RABGEF1: variants seen among roughly 807,000 people sequenced by gnomAD.
RABGEF1 encodes RAB guanine nucleotide exchange factor 1, also known as rab5 GDP/GTP exchange factor.
A neutral mutation model predicts 57.3 loss-of-function variants in RABGEF1; 26 were observed. That is an observed-to-expected ratio of 0.45 (90% CI 0.33 to 0.63). RABGEF1 has a LOEUF of 0.63. Among genes scored for constraint, RABGEF1 ranks in the 20% least tolerant of loss-of-function variants. RABGEF1 has a pLI of 0.02. For missense variants in RABGEF1, 464 were observed against 607.6 expected (o/e 0.76, Z 2.48); for synonymous variants, 185 against 210.7 (o/e 0.88, Z 1.06).
At chr7:66,705,388 G>C (rs975408900) in intron 1 of RABGEF1, among the ~76,000 whole-genome samples, 3 of 146,954 alleles carry the variant, frequency 2.0e-5, no homozygotes, top group Non-Finnish European at 4.5e-5. Context: ...AGTGAGCTGA[G>C]ATTGCACCAC....
upstream of RABGEF1, chr7:66,740,351 G>C (rs907537713): frequency 2.0e-5 from 3 of 152,408 alleles, no homozygotes; most frequent in East Asian, 5.8e-4. Context: ...CCTCGGCGCA[G>C]TAGCTCCGCT....
chr7:66,704,930 C>A (rs1490591410), intron 1 of RABGEF1, among the ~76,000 whole-genome samples: 1 of 152,094 alleles, frequency 6.6e-6, no homozygotes, highest in Non-Finnish European at 1.5e-5. Context: ...TTTTAAGAAA[C>A]CACCAAACTG....
the RABGEF1 span, among the ~76,000 whole-genome samples, chr7:66,656,598 G>T: frequency 9.2e-5 from 14 of 151,986 alleles, no homozygotes; most frequent in African/African-American, 3.4e-4. Context: ...GAGGCGGTCG[G>T]ATCATGTGGT....
intron 5 of RABGEF1, 57 bp downstream of exon 5, chr7:66,795,649 C>A: frequency 4.2e-6 from 6 of 1,444,792 alleles, no homozygotes; most frequent in Non-Finnish European, 5.8e-6. Context: ...ACTGCTCAGT[C>A]TCTTAGCAAT....
chr7:66,796,911 C>T (rs1312782687), intron 5 of RABGEF1: 3 of 444,904 alleles, frequency 6.7e-6, no homozygotes, highest in African/African-American at 2.0e-5. Context: ...TTTTTTTAAG[C>T]GTATTTTTAA....
chr7:66,738,034 T>G (rs1161702695), upstream of RABGEF1, among the ~76,000 whole-genome samples: 1 of 151,522 alleles, frequency 6.6e-6, no homozygotes, highest in African/African-American at 2.4e-5. Flanking sequence ...TTTTTTTTTT[T>G]TTTTGAGACA....
the RABGEF1 span, among the ~76,000 whole-genome samples, chr7:66,662,178 G>T: frequency 6.6e-6 from 1 of 151,516 alleles, no homozygotes; most frequent in Non-Finnish European, 1.5e-5. Context: ...GGGGCAGTTT[G>T]CAGTGAGCCA....
At chr7:66,680,141 A>G (rs563580217), upstream of RABGEF1, among the ~76,000 whole-genome samples, 5 of 152,310 alleles carry the variant, frequency 3.3e-5, no homozygotes, top group Non-Finnish European at 7.4e-5. Flanking sequence ...TAAAGTAAAT[A>G]TTATTGTCTT....
intron 1 of RABGEF1, among the ~76,000 whole-genome samples, chr7:66,751,657 A>G (rs531579926): frequency 9.2e-4 from 140 of 152,286 alleles, no homozygotes; most frequent in Non-Finnish European, 1.6e-3. Flanking sequence ...GTACCCACCT[A>G]AGACTTTCAG....
In RABGEF1 at chr7:66,809,097, A is replaced by G; in HGVS notation, c.1289A>G (p.Glu430Gly). Residue 430 changes from glutamate (E) to glycine (G), a missense_variant, in exon 9 of 9, where the codon GAA (glutamate) becomes GGA (glycine). By Grantham distance (98) the Glu-to-Gly change is moderately conservative. Coordinates refer to ENST00000284957, the MANE Select transcript of RABGEF1 (RefSeq NM_014504.3). ...LNERQERIMN[E>G]AKKLEKDLID... ...GAACGACAAGAAAGGATCATGAATG[A>G]AGCCAAGAAACTGGAAAAAGACCTC... 6.2e-7 allele frequency: 1 copy of G among 1,614,188 alleles called. No homozygotes were observed. The highest frequency in any genetic ancestry group is 1.1e-5 in the South Asian group (1 of 91,076).
chr7:66,731,656 G>A (rs1366525576), intron 2 of RABGEF1, among the ~76,000 whole-genome samples: 2 of 152,186 alleles, frequency 1.3e-5, no homozygotes, highest in Admixed American at 6.5e-5. Context: ...GTTCGAGACT[G>A]CAGTGAGCTA....
chr7:66,774,943 T>C lies in RABGEF1; in HGVS notation c.180-284T>C, dbSNP rs533268997. Among the ~76,000 whole-genome samples, 34 of 152,344 alleles carry C rather than the reference T, an allele frequency of 2.2e-4. No individual in the cohort carries two copies. In the East Asian group the frequency reaches 4.0e-3, roughly 18 times the overall value. On this transcript the variant is annotated intron_variant, in intron 2 of 8. Transcript: ENST00000284957. ...TGTAGCAGTTGTTTACTTACCTTTT[T>C]GTCTGTTCCAGCCTTGAGCTTGTTA...
chr7:66,710,156 G>A (rs1008094655), intron 1 of RABGEF1, among the ~76,000 whole-genome samples: 2 of 152,004 alleles, frequency 1.3e-5, no homozygotes, highest in Non-Finnish European at 2.9e-5. Context: ...ACTCTTTTTG[G>A]CATCTTTCAT....
At chr7:66,674,904 C>G in the RABGEF1 span, among the ~76,000 whole-genome samples, 1 of 151,290 alleles carries the variant, frequency 6.6e-6, no homozygotes, top group African/African-American at 2.4e-5. Context: ...TTGAACTGTA[C>G]AGTTAATATG....
intron 1 of RABGEF1, among the ~76,000 whole-genome samples, chr7:66,763,604 T>C (rs764454791): frequency 6.6e-5 from 10 of 152,250 alleles, no homozygotes; most frequent in Admixed American, 6.5e-4. Context: ...CAGCCAACTT[T>C]AGAACATTTT....
the RABGEF1 span, among the ~76,000 whole-genome samples, chr7:66,660,222 C>T: frequency 2.0e-5 from 3 of 151,924 alleles, no homozygotes; most frequent in African/African-American, 7.2e-5. Flanking sequence ...GTGGCGGGCG[C>T]CTGTAGTCCT....
intron 5 of RABGEF1, among the ~76,000 whole-genome samples, chr7:66,796,119 A>C (rs577672857): frequency 5.3e-5 from 8 of 152,354 alleles, no homozygotes; most frequent in African/African-American, 1.9e-4. Flanking sequence ...CCTGGGCAAC[A>C]GATCGAGACT....
At chr7:66,688,011 G>A (rs1790942425) in intron 1 of RABGEF1, among the ~76,000 whole-genome samples, 1 of 151,000 alleles carries the variant, frequency 6.6e-6, no homozygotes, top group African/African-American at 2.4e-5. Context: ...CTTGAACCCA[G>A]GAGGCAGAGG....
the RABGEF1 span, among the ~76,000 whole-genome samples, chr7:66,659,141 T>G: frequency 5.3e-5 from 8 of 152,116 alleles, no homozygotes; most frequent in Non-Finnish European, 8.8e-5. Context: ...TTATGAACAT[T>G]GATTAAAAAA....
Sources: allele counts gnomAD v4.1 joint callset (sites outside exome capture counted in the v4.1 genomes callset), GRCh38; gene constraint gnomAD v4.1.1; transcripts MANE v1.5; gene names NCBI Gene and HGNC (gene_info 2026-07-23, HGNC 2026-07-21).